Variants in ESPN observed in about 807,000 individuals in gnomAD.
ESPN encodes the protein espin.
Under a neutral mutation model 77.7 loss-of-function variants are expected in ESPN, and 68 were observed. The ratio of observed to expected loss-of-function variants is 0.87; its 90% confidence interval spans 0.72 to 1.07. The LOEUF is 1.07. Among genes scored for constraint, ESPN ranks in the 50% least tolerant of loss-of-function variants. The pLI, the probability that ESPN is intolerant of heterozygous loss-of-function variation, is 0.00. For missense variants in ESPN, 1,060 were observed against 1,239.0 expected, an observed-to-expected ratio of 0.86 and a Z score of 2.17; for synonymous variants, 449 against 567.1, an observed-to-expected ratio of 0.79 and a Z score of 2.96.
intron 3 of ESPN, 22 bp from the exon 4 acceptor site, chr1:6,440,604 T>TCAA: frequency 1.4e-6 from 1 of 725,290 alleles, no homozygotes. Context: ...CCCGCCCCCC[T>TCAA]CTCCCCGCCC....
chr1:6,440,988 G>C lies in ESPN; in HGVS notation c.913G>C (p.Gly305Arg). The change falls in exon 5 of 13, where the codon GGG becomes CGG. Residue 305 changes from glycine (G) to arginine (R), a missense_variant. This residue lies in a region of ESPN where 556 missense variants were observed against 633.6 expected (regional missense o/e 0.88). Coordinates refer to ENST00000645284, the MANE Select transcript of ESPN (RefSeq NM_031475.3). ...GAELDVRDRD[G>R]YTAADLSDFN... ...GGAGCTGGACGTCCGCGACCGCGAC[G>C]GGTACACGGCCGCCGACCTGTCGGA... is the stretch of plus-strand genomic sequence containing the variant. 6.2e-7 allele frequency: 1 copy of C among 1,608,166 alleles called. No homozygotes were observed. Among genetic ancestry groups the C allele is most frequent in the South Asian group, 1.1e-5 (1 of 90,178 alleles).
intron 10 of ESPN, chr1:6,455,111 C>G: frequency 2.6e-6 from 1 of 386,392 alleles, no homozygotes; most frequent in Non-Finnish European, 4.6e-6. Context: ...CCAGCGCCGC[C>G]GCCGCCCACG....
rs565388106 is a variant in ESPN, at chr1:6,431,622, T to G, written c.488+3203T>G. Among the ~76,000 whole-genome samples, 704 of 97,586 alleles carry G rather than the reference T, an allele frequency of 7.2e-3. 7 individuals carry two copies. The highest frequency in any genetic ancestry group is 0.021 in the Middle Eastern group (3 of 146). The allele number at this position is 97,586 out of a possible 152,430, so 64.0% of individuals were successfully genotyped here. ...TTCCAGCCTGAGCAACAGAGCAAGA[T>G]TCTGTCAAAAAAAAAAAAAAAAAAA... On this transcript the variant is annotated intron_variant, in intron 2 of 12. Coordinates refer to ENST00000645284, the MANE Select transcript of ESPN (RefSeq NM_031475.3).
intron 2 of ESPN, among the ~76,000 whole-genome samples, chr1:6,439,672 A>G (rs1465662504): frequency 1.3e-5 from 2 of 152,098 alleles, no homozygotes; most frequent in African/African-American, 2.4e-5. Flanking sequence ...ACAGTGGGTG[A>G]GAGGGGAGAA....
In ESPN at chr1:6,448,803, G is replaced by A; in HGVS notation, c.1627G>A (p.Val543Met). 9 of 1,297,534 alleles carry A rather than the reference G, an allele frequency of 6.9e-6. No individual in the cohort carries two copies. The South Asian group carries it at 1.2e-4, about 18-fold the overall frequency. 80.4% of individuals were successfully genotyped at this position (1,297,534 alleles called of 1,614,324 possible). A position where few individuals can be genotyped will look rare whatever the true frequency, so the allele number is the denominator to read the frequency against. Reference protein sequence around the residue: ...ARPGMAHSEEVRARQPARAGC... With the variant: ...ARPGMAHSEEMRARQPARAGC... Reference sequence around the variant, plus strand: ...CCCGGGCATGGCGCACAGCGAGGAGGTGCGTGCCCGCCAGCCCGCGCGCGC... The same window carrying A: ...CCCGGGCATGGCGCACAGCGAGGAGATGCGTGCCCGCCAGCCCGCGCGCGC... The change falls in exon 8 of 13, where the codon GTG becomes ATG. Residue 543 changes from valine to methionine, a missense_variant. By Grantham distance (21) the Val-to-Met change is conservative (BLOSUM62 1). Transcript: ENST00000645284.
At chr1:6,442,944 G>C (rs533710746) in intron 5 of ESPN, 1 of 151,524 alleles carries the variant, frequency 6.6e-6, no homozygotes, top group Non-Finnish European at 1.5e-5. Flanking sequence ...CTGAGGCGGC[G>C]GGTGGATCAC....
At chr1:6,453,493 G>A (rs1214926832) in intron 10 of ESPN, among the ~76,000 whole-genome samples, 1 of 152,220 alleles carries the variant, frequency 6.6e-6, no homozygotes, top group Non-Finnish European at 1.5e-5. Context: ...GAAGACGAGT[G>A]AGGGGTGGCC....
Position 6,457,175 on chromosome 1 carries a change from G to A in ESPN, c.2326-9G>A. ...CTGCAGGCCCTGAAGCTTTGTGGTT[G>A]TGTTTCAGGAGGAGGAGGAGGAGGC... On this transcript the variant is annotated splice_polypyrimidine_tract_variant and intron_variant, in intron 10 of 12. Transcript: ENST00000645284. 1 of 1,590,398 alleles carries A rather than the reference G, an allele frequency of 6.3e-7. No homozygotes were observed. Among genetic ancestry groups the A allele is most frequent in the Non-Finnish European group, 8.6e-7 (1 of 1,168,262 alleles).
intron 2 of ESPN, among the ~76,000 whole-genome samples, chr1:6,432,092 T>G (rs1643274228): frequency 6.6e-6 from 1 of 152,162 alleles, no homozygotes; most frequent in Admixed American, 6.5e-5. Flanking sequence ...CCCTTTTCCC[T>G]TCCTTTGTGC....
At chr1:6,454,687 C>A in intron 10 of ESPN, 1 of 398,718 alleles carries the variant, frequency 2.5e-6, no homozygotes, top group Non-Finnish European at 4.4e-6. Flanking sequence ...ACCGTCGATC[C>A]GCGCCGAATG....
At chr1:6,433,093 G>T (rs973027156) in intron 2 of ESPN, among the ~76,000 whole-genome samples, 5 of 151,498 alleles carry the variant, frequency 3.3e-5, no homozygotes, top group Non-Finnish European at 7.4e-5. Flanking sequence ...CTGCACTCCA[G>T]CCTGGGCAAC....
At chr1:6,438,826 T>A (rs1643522408) in intron 2 of ESPN, among the ~76,000 whole-genome samples, 1 of 152,210 alleles carries the variant, frequency 6.6e-6, no homozygotes, top group Non-Finnish European at 1.5e-5. Flanking sequence ...TAGTAATAGT[T>A]GATGGCCGGG....
At position 6,451,167 on chromosome 1, in the gene ESPN, G is replaced by T; in HGVS notation, c.1916-436G>T. ...GGAGGCCCCAATTGACTCAGTTCAA[G>T]GGTCACTGAGGCTTTGCTGATGTAG... On this transcript the variant is annotated intron_variant, in intron 8 of 12. Coordinates refer to ENST00000645284, the MANE Select transcript of ESPN (RefSeq NM_031475.3). The surrounding 1 kb of genome is among the most constrained non-coding windows in gnomAD (Gnocchi z 4.3). 1 of 325,476 alleles carries T rather than the reference G, an allele frequency of 3.1e-6. No homozygotes were observed. Among genetic ancestry groups the T allele is most frequent in the Non-Finnish European group, 5.9e-6 (1 of 168,194 alleles). The allele number at this position is 325,476 out of a possible 1,614,324, so 20.2% of individuals were successfully genotyped here.
intron 10 of ESPN, chr1:6,455,880 GC>G: frequency 5.0e-6 from 2 of 398,982 alleles, no homozygotes; most frequent in South Asian, 2.5e-4. Flanking sequence ...GGCTGAGCCG[GC>G]CCCCGAAGAA....
Position 6,444,294 on chromosome 1 carries a change from G to A in ESPN, c.991-187G>A, listed in dbSNP as rs140069505. The stretch of plus-strand genomic sequence containing the variant: ...AGGAACCTGGGTCCTGCTGCCTGGC[G>A]GGGCTGGGCTTGAATCTTAACCTGG... On this transcript the variant is annotated intron_variant, in intron 5 of 12. Transcript: ENST00000645284. Among the ~76,000 whole-genome samples the A allele has an allele frequency of 3.4e-4, 52 of 152,320 alleles. No individual in the cohort carries two copies. In the East Asian group the frequency reaches 8.5e-3, roughly 25 times the overall value.
chr1:6,429,611 G>A (rs1456128073), intron 2 of ESPN, among the ~76,000 whole-genome samples: 10 of 152,202 alleles, frequency 6.6e-5, no homozygotes, highest in Admixed American at 3.3e-4. Context: ...CCCTGATGGC[G>A]GGACCAATAT....
chr1:6,427,048 A>G lies in ESPN; in HGVS notation c.295-1178A>G, dbSNP rs1643063427. Among the ~76,000 whole-genome samples the G allele has an allele frequency of 2.6e-5, 4 of 151,100 alleles. No homozygotes were observed. ...GTGCCCTCTTTTCCTTGCATTTCTC[A>G]CGGGAGCCTCAGAGGTTCTCTTCCC... is the stretch of plus-strand genomic sequence containing the variant. On this transcript the variant is annotated intron_variant, in intron 1 of 12. Transcript: ENST00000645284. This position sits in a 1 kb window ranked among gnomAD's most constrained non-coding sequence, Gnocchi z 4.6.
chr1:6,425,943 T>C (rs61780702), intron 1 of ESPN, among the ~76,000 whole-genome samples: 3 of 152,216 alleles, frequency 2.0e-5, no homozygotes, highest in Non-Finnish European at 2.9e-5. Context: ...CCCTGAGGCA[T>C]GCACGCTCTT....
At chr1:6,452,576 G>A (rs887682083) in intron 10 of ESPN, among the ~76,000 whole-genome samples, 13 of 152,118 alleles carry the variant, frequency 8.5e-5, no homozygotes, top group East Asian at 1.9e-4. Flanking sequence ...CTCCTTCACC[G>A]GCCCAGCACC....
Sources: gnomAD v4.1 joint callset for allele counts (sites outside exome capture counted in the v4.1 genomes callset) on GRCh38, gnomAD v4.1.1 for gene constraint, gnomAD v4.1.1 regional missense constraint, Gnocchi (gnomAD v3.1) non-coding constraint, MANE v1.5 for transcripts, NCBI Gene and HGNC (gene_info 2026-07-23, HGNC 2026-07-21) for gene names.